The following RIMS3 variants were observed in gnomAD, a reference collection of about 807,000 sequenced individuals.
RIMS3 encodes the protein regulating synaptic membrane exocytosis 3.
In RIMS3, 15 loss-of-function variants were observed where a neutral mutation model predicts 29.2. The observed-to-expected ratio is 0.51, with a 90% CI of 0.34 to 0.79. RIMS3 has a LOEUF of 0.79. Among genes scored for constraint, RIMS3 ranks in the 30% least tolerant of loss-of-function variants. RIMS3 has a pLI of 0.01. For missense variants in RIMS3, 342 were observed against 421.4 expected (o/e 0.81, Z 1.65); for synonymous variants, 161 against 170.1 (o/e 0.95, Z 0.41).
At chr1:40,642,429 G>A (rs1248265496) in intron 2 of RIMS3, among the ~76,000 whole-genome samples, 3 of 152,178 alleles carry the variant, frequency 2.0e-5, no homozygotes, top group African/African-American at 7.2e-5. Context: ...TATTTTCATA[G>A]CAAATAATAA....
At chr1:40,644,338 T>C (rs1646580489) in intron 2 of RIMS3, among the ~76,000 whole-genome samples, 1 of 152,262 alleles carries the variant, frequency 6.6e-6, no homozygotes, top group Admixed American at 6.5e-5. Flanking sequence ...TTAGAATCTA[T>C]TGTCAAATTC....
chr1:40,636,195 A>G lies in RIMS3; in HGVS notation c.218-138T>C. 8.9e-7 allele frequency: 1 copy of G among 1,124,340 alleles called. No individual in the cohort carries two copies. Among genetic ancestry groups the G allele is most frequent in the Non-Finnish European group, 1.3e-6 (1 of 784,632 alleles). 69.6% of individuals were successfully genotyped at this position (1,124,340 alleles called of 1,614,324 possible). A position where few individuals can be genotyped will look rare whatever the true frequency, so the allele number is the denominator to read the frequency against. The stretch of plus-strand genomic sequence containing the variant: ...GATGAGCAGGGCTCTGACTGGAGGC[A>G]GGGGCATGGCTGAGCTGACCTCAGA... On this transcript the variant is annotated intron_variant, in intron 3 of 7. Transcript: ENST00000372684. The surrounding 1 kb of genome is among the most constrained non-coding windows in gnomAD (Gnocchi z 4.2).
intron 7 of RIMS3, among the ~76,000 whole-genome samples, chr1:40,628,215 A>G (rs1646467391): frequency 6.6e-6 from 1 of 152,210 alleles, no homozygotes; most frequent in South Asian, 2.1e-4. Flanking sequence ...AGACTGATCC[A>G]CCACTGTGCT....
rs778141259 is a variant in RIMS3, at chr1:40,626,032, G to A, written c.*485C>T. On this transcript the variant is annotated 3_prime_UTR_variant, in exon 8 of 8. Coordinates refer to ENST00000372684, the MANE Select transcript of RIMS3 (RefSeq NM_014747.3). ...TTTCTCAGAAAACAGTGGCAGAGCC[G>A]GGAGAGTCAAGAGTGGAACAAAAGA... 4.4e-5 allele frequency: 8 copies of A among 181,196 alleles called. No individual in the cohort carries two copies. The highest frequency in any genetic ancestry group is 2.2e-4 in the Admixed American group (4 of 18,480). 11.2% of individuals were successfully genotyped at this position (181,196 alleles called of 1,614,324 possible).
upstream of RIMS3, among the ~76,000 whole-genome samples, chr1:40,668,067 A>G (rs1438070842): frequency 6.6e-6 from 1 of 152,132 alleles, no homozygotes. Flanking sequence ...CCTAGCCAAC[A>G]TGGTGAAACC....
intron 7 of RIMS3, among the ~76,000 whole-genome samples, chr1:40,627,215 G>C (rs1375848424): frequency 6.6e-6 from 1 of 152,162 alleles, no homozygotes; most frequent in Non-Finnish European, 1.5e-5. Flanking sequence ...CTGGACCTCA[G>C]TGTTTCCAGC....
At chr1:40,673,756 T>C in the RIMS3 span, among the ~76,000 whole-genome samples, 1 of 152,230 alleles carries the variant, frequency 6.6e-6, no homozygotes, top group Non-Finnish European at 1.5e-5. Flanking sequence ...TGGTCCCCTG[T>C]GCTCTAACAG....
chr1:40,631,103 C>T (rs1557666139), intron 5 of RIMS3, among the ~76,000 whole-genome samples: 1 of 152,154 alleles, frequency 6.6e-6, no homozygotes. Context: ...CTGATGGGGG[C>T]TGAGTGGGGA....
intron 5 of RIMS3, among the ~76,000 whole-genome samples, chr1:40,630,897 G>C (rs1360102190): frequency 1.3e-5 from 2 of 152,212 alleles, no homozygotes; most frequent in Non-Finnish European, 2.9e-5. Flanking sequence ...TTTGCTTTCA[G>C]CTGATCCTTG....
the RIMS3 span, chr1:40,691,691 A>G: frequency 4.4e-6 from 2 of 451,448 alleles, no homozygotes; most frequent in South Asian, 3.1e-5. Flanking sequence ...GGGAAGGGAA[A>G]AGGGGAAACG....
chr1:40,683,433 C>T, the RIMS3 span, among the ~76,000 whole-genome samples: 3 of 152,202 alleles, frequency 2.0e-5, no homozygotes, highest in Non-Finnish European at 4.4e-5. Context: ...TTTGGCCCCC[C>T]TCCCTCTCTC....
At chr1:40,650,507 G>A (rs1024057603) in intron 1 of RIMS3, among the ~76,000 whole-genome samples, 6 of 152,090 alleles carry the variant, frequency 3.9e-5, no homozygotes, top group African/African-American at 1.2e-4. Context: ...CTCCCAGCCC[G>A]TCCCATGCCT....
intron 1 of RIMS3, among the ~76,000 whole-genome samples, chr1:40,658,653 G>A (rs547180198): frequency 7.9e-5 from 12 of 152,296 alleles, no homozygotes; most frequent in Admixed American, 5.2e-4. Flanking sequence ...CTCTCTCCAT[G>A]TGGCTGAAAC....
At chr1:40,673,904 G>A in the RIMS3 span, among the ~76,000 whole-genome samples, 1 of 151,990 alleles carries the variant, frequency 6.6e-6, no homozygotes, top group Non-Finnish European at 1.5e-5. Context: ...TCACAGGGGA[G>A]TTGTAAAGAT....
At position 40,636,635 on chromosome 1, in the gene RIMS3, G is replaced by A. The variant is rs946295153; in HGVS notation, c.218-578C>T. 7.2e-5 allele frequency among the ~76,000 whole-genome samples: 11 copies of A among 152,210 alleles called. No individual in the cohort carries two copies. Among genetic ancestry groups the A allele is most frequent in the African/African-American group, 2.4e-4 (10 of 41,452 alleles). On this transcript the variant is annotated intron_variant, in intron 3 of 7. Transcript: ENST00000372684. This position sits in a 1 kb window ranked among gnomAD's most constrained non-coding sequence, Gnocchi z 4.2. The stretch of plus-strand genomic sequence containing the variant: ...AGGTGGGGCTGAACATGGAGAGGAC[G>A]TGTGTGGAGAGCTGGAGAGGCCATT...
intron 1 of RIMS3, among the ~76,000 whole-genome samples, chr1:40,664,361 G>T (rs1249988339): frequency 9.2e-5 from 14 of 152,080 alleles, no homozygotes; most frequent in Admixed American, 9.2e-4. Context: ...ATGGTGGGGT[G>T]GGGGAGATGG....
At chr1:40,649,932 C>A (rs1646619857) in intron 1 of RIMS3, among the ~76,000 whole-genome samples, 1 of 152,188 alleles carries the variant, frequency 6.6e-6, no homozygotes, top group African/African-American at 2.4e-5. Context: ...GAAGGCAATA[C>A]AGACTCCAGA....
chr1:40,684,583 T>G, the RIMS3 span, among the ~76,000 whole-genome samples: 1 of 151,690 alleles, frequency 6.6e-6, no homozygotes. Context: ...TAGTGAGAAT[T>G]AAGGATAAGA....
At chr1:40,629,166 C>T in intron 6 of RIMS3, 105 bp downstream of exon 6, 3 of 1,162,216 alleles carry the variant, frequency 2.6e-6, no homozygotes, top group South Asian at 2.6e-5. Flanking sequence ...TGTGACTCCA[C>T]TGTAAAGAAT....
Sources: gnomAD v4.1 joint callset for allele counts (sites outside exome capture counted in the v4.1 genomes callset) on GRCh38, gnomAD v4.1.1 for gene constraint, Gnocchi (gnomAD v3.1) non-coding constraint, MANE v1.5 for transcripts, NCBI Gene and HGNC (gene_info 2026-07-23, HGNC 2026-07-21) for gene names.